Variants in HIVEP3 observed in about 807,000 individuals in gnomAD.
HIVEP3 encodes HIVEP zinc finger 3.
HIVEP3 carries 49 observed loss-of-function variants against 152.8 expected under a neutral mutation model. That is an observed-to-expected ratio of 0.32 (90% CI 0.26 to 0.41). The LOEUF is 0.41. HIVEP3 is among the 10% of genes least tolerant of loss of function. The pLI is 1.00. For missense variants in HIVEP3, 2,790 were observed against 3,103.3 expected, an observed-to-expected ratio of 0.90 and a Z score of 2.40; for synonymous variants, 1,269 against 1,289.0, an observed-to-expected ratio of 0.98 and a Z score of 0.33.
chr1:41,865,058 A>G (rs1323878083), intron 1 of HIVEP3, among the ~76,000 whole-genome samples: 1 of 152,174 alleles, frequency 6.6e-6, no homozygotes, highest in Non-Finnish European at 1.5e-5. Context: ...AAACCATCCC[A>G]TCATTGGACT....
intron 6 of HIVEP3, among the ~76,000 whole-genome samples, chr1:41,520,541 C>T (rs1479868031): frequency 1.3e-5 from 2 of 152,204 alleles, no homozygotes; most frequent in African/African-American, 2.4e-5. Context: ...TGGGGTCTTC[C>T]GCGGATCAGA....
intron 3 of HIVEP3, among the ~76,000 whole-genome samples, chr1:41,621,396 G>A (rs542362027): frequency 7.9e-5 from 12 of 152,324 alleles, no homozygotes; most frequent in South Asian, 4.1e-4. Context: ...TGAAAACTTC[G>A]CCCTGCTTTC....
upstream of HIVEP3, among the ~76,000 whole-genome samples, chr1:41,922,124 C>G (rs1644945115): frequency 6.6e-6 from 1 of 152,120 alleles, no homozygotes; most frequent in Non-Finnish European, 1.5e-5. Flanking sequence ...AGTCTTTAGG[C>G]CTTAGATCAA....
intron 1 of HIVEP3, chr1:41,847,595 A>G (rs778609090): frequency 6.6e-6 from 1 of 152,268 alleles, no homozygotes; most frequent in Non-Finnish European, 1.5e-5. Flanking sequence ...AATGAAAAAT[A>G]GCAATGCTAA....
intron 1 of HIVEP3, among the ~76,000 whole-genome samples, chr1:41,854,126 T>TCC (rs1643685520): frequency 6.6e-6 from 1 of 151,994 alleles, no homozygotes. Context: ...CCTCTCTCTC[T>TCC]CCCTCTCTCT....
intron 1 of HIVEP3, among the ~76,000 whole-genome samples, chr1:41,763,240 C>G (rs1647805967): frequency 6.6e-6 from 1 of 152,236 alleles, no homozygotes; most frequent in South Asian, 2.1e-4. Flanking sequence ...GTCCACCCCT[C>G]TCTCCCGAGG....
intron 1 of HIVEP3, among the ~76,000 whole-genome samples, chr1:41,818,629 T>A (rs1336720601): frequency 6.6e-6 from 1 of 152,098 alleles, no homozygotes; most frequent in Admixed American, 6.5e-5. Flanking sequence ...AGTACAAGGT[T>A]GTGGGGACAT....
chr1:41,900,855 C>T (rs1229241822), intron 1 of HIVEP3, among the ~76,000 whole-genome samples: 5 of 152,138 alleles, frequency 3.3e-5, no homozygotes, highest in Admixed American at 3.3e-4. Context: ...GAGAAGTAGG[C>T]AGGGCCCATC....
intron 1 of HIVEP3, among the ~76,000 whole-genome samples, chr1:41,826,989 G>C (rs1299571397): frequency 6.6e-6 from 1 of 152,084 alleles, no homozygotes; most frequent in Admixed American, 6.5e-5. Context: ...AGGTCCCATG[G>C]AGCCCACATT....
At chr1:41,669,855 T>TA (rs1421154536) in intron 2 of HIVEP3, among the ~76,000 whole-genome samples, 1 of 152,232 alleles carries the variant, frequency 6.6e-6, no homozygotes, top group African/African-American at 2.4e-5. Flanking sequence ...CCTATGTCTA[T>TA]ATCTACATTT....
At chr1:41,835,649 T>G (rs764239181) in intron 1 of HIVEP3, among the ~76,000 whole-genome samples, 3 of 152,220 alleles carry the variant, frequency 2.0e-5, no homozygotes, top group Non-Finnish European at 4.4e-5. Context: ...AATGGTGAAG[T>G]CAGAGTTAGT....
intron 1 of HIVEP3, among the ~76,000 whole-genome samples, chr1:41,868,706 T>A (rs1431183854): frequency 2.0e-5 from 3 of 152,174 alleles, no homozygotes; most frequent in Non-Finnish European, 4.4e-5. Flanking sequence ...AGAGAAAGCA[T>A]GGGCTTGCTC....
At position 41,751,324 on chromosome 1, in the gene HIVEP3, A is replaced by ATTTTTTTTTT. The variant is rs35864189; in HGVS notation, c.-800-50339_-800-50330dup. Among the ~76,000 whole-genome samples the ATTTTTTTTTT allele has an allele frequency of 4.3e-4, 45 of 104,540 alleles. 4 individuals are homozygous for ATTTTTTTTTT. Among genetic ancestry groups the ATTTTTTTTTT allele is most frequent in the African/African-American group, 9.1e-4 (24 of 26,376 alleles). 68.6% of individuals were successfully genotyped at this position (104,540 alleles called of 152,430 possible). A position where few individuals can be genotyped will look rare whatever the true frequency, so the allele number is the denominator to read the frequency against. ...TTCATCCCGAGGGAAACTGACACAC[A>ATTTTTTTTTT]TTTTTTTTTTTTTTTTTTTTGCATA... On this transcript the variant is annotated intron_variant, in intron 1 of 8. Transcript: ENST00000372583.
At position 41,533,490 on chromosome 1, in the gene HIVEP3, G is replaced by C. The variant is rs1643319574; in HGVS notation, c.5208-8580C>G. Among the ~76,000 whole-genome samples the C allele has an allele frequency of 6.6e-6, 1 of 152,088 alleles. No homozygotes were observed. The highest frequency in any genetic ancestry group is 2.4e-5 in the African/African-American group (1 of 41,398). ...CTCTTTCCTGCACAGCCCGGATCTG[G>C]AGAGGGCTGTCCACACCTCCTCCCC... On this transcript the variant is annotated intron_variant, in intron 5 of 8. Coordinates refer to ENST00000372583, the MANE Select transcript of HIVEP3 (RefSeq NM_024503.5). The surrounding 1 kb of genome is among the most constrained non-coding windows in gnomAD (Gnocchi z 4.3).
chr1:41,806,668 A>AG (rs948415750), intron 1 of HIVEP3, among the ~76,000 whole-genome samples: 5 of 152,202 alleles, frequency 3.3e-5, no homozygotes, highest in African/African-American at 7.2e-5. Context: ...CTGAGCAGGA[A>AG]GGGGGAAACT....
rs894483935 is a variant in HIVEP3 at position 41,863,331 on chromosome 1, G to A, written c.-801+55082C>T. Among the ~76,000 whole-genome samples, 4 of 152,196 alleles carry A rather than the reference G, an allele frequency of 2.6e-5. No homozygotes were observed. The East Asian group carries it at 5.8e-4, about 22-fold the overall frequency. The stretch of plus-strand genomic sequence containing the variant: ...GGAATTAACATGGCTCTGAAGAGAG[G>A]AGCCAAGGATCACCTGATCTGTAGA... On this transcript the variant is annotated intron_variant, in intron 1 of 8. Transcript: ENST00000372583.
At chr1:41,763,997 A>G (rs1250586488) in intron 1 of HIVEP3, among the ~76,000 whole-genome samples, 1 of 152,234 alleles carries the variant, frequency 6.6e-6, no homozygotes, top group Non-Finnish European at 1.5e-5. Context: ...AGGTCATCAC[A>G]TAAGCAAAAG....
intron 1 of HIVEP3, among the ~76,000 whole-genome samples, chr1:41,954,887 A>G (rs1042053137): frequency 1.3e-5 from 2 of 152,120 alleles, no homozygotes; most frequent in African/African-American, 4.8e-5. Context: ...TGGTTCCACA[A>G]GCTTGGGACG....
At chr1:41,845,419 G>GCACACA (rs3032007) in intron 1 of HIVEP3, among the ~76,000 whole-genome samples, 151 of 136,184 alleles carry the variant, frequency 1.1e-3, no homozygotes, top group East Asian at 7.8e-3. Flanking sequence ...ACACACACAC[G>GCACACA]CACACACACA....
Sources: allele counts gnomAD v4.1 joint callset (sites outside exome capture counted in the v4.1 genomes callset), GRCh38; gene constraint gnomAD v4.1.1; non-coding constraint Gnocchi (gnomAD v3.1); transcripts MANE v1.5; gene names NCBI Gene and HGNC (gene_info 2026-07-23, HGNC 2026-07-21).